Variants in PTAR1 observed in about 807,000 individuals in gnomAD.
PTAR1 encodes the protein protein prenyltransferase alpha subunit repeat containing 1.
PTAR1 carries 17 observed loss-of-function variants against 45.5 expected under a neutral mutation model. That is an observed-to-expected ratio of 0.37 (90% CI 0.26 to 0.56). PTAR1 has a LOEUF of 0.56. PTAR1 is among the 20% of genes least tolerant of loss of function. The probability of loss-of-function intolerance (pLI) is 0.77; values close to 1 mark genes in which losing one functional copy is unlikely to be tolerated. For missense variants in PTAR1, 391 were observed against 476.3 expected, an observed-to-expected ratio of 0.82 and a Z score of 1.67; for synonymous variants, 169 against 171.3, an observed-to-expected ratio of 0.99 and a Z score of 0.11.
rs1294663449 is a variant in PTAR1 at position 69,743,297 on chromosome 9, A to G, written c.257-1439T>C. ...CATCAAAATTGTTTCCAACAAGTCA[A>G]TTATGCTGCAAACAAAATGTCTGCC... On this transcript the variant is annotated intron_variant, in intron 2 of 7. Coordinates refer to ENST00000340434, the MANE Select transcript of PTAR1 (RefSeq NM_001099666.2). Among the ~76,000 whole-genome samples the G allele has an allele frequency of 5.3e-5, 8 of 152,184 alleles. No individual in the cohort carries two copies. In the East Asian group the frequency reaches 1.3e-3, roughly 26 times the overall value.
rs1301755824 is a variant in PTAR1, at chr9:69,712,248, G to A, written c.*6094C>T. 1 of 152,098 alleles carries A rather than the reference G, an allele frequency of 6.6e-6. No individual in the cohort carries two copies. Among genetic ancestry groups the A allele is most frequent in the African/African-American group, 2.4e-5 (1 of 41,446 alleles). The allele number at this position is 152,098 out of a possible 1,614,324, so 9.4% of individuals were successfully genotyped here. On this transcript the variant is annotated 3_prime_UTR_variant, in exon 8 of 8. Coordinates refer to ENST00000340434, the MANE Select transcript of PTAR1 (RefSeq NM_001099666.2). ...AAAGGTATGGAAGAAAAGCCAGAAT[G>A]TTATTGTTTGTAAACCACTAAAGAC...
intron 3 of PTAR1, among the ~76,000 whole-genome samples, chr9:69,739,576 T>C: frequency 6.6e-6 from 1 of 152,176 alleles, no homozygotes; most frequent in East Asian, 1.9e-4. Context: ...TCTTTAGCAG[T>C]TTGAAAAATG....
At chr9:69,752,254 T>C (rs563681180) in intron 1 of PTAR1, among the ~76,000 whole-genome samples, 4 of 152,100 alleles carry the variant, frequency 2.6e-5, no homozygotes, top group Admixed American at 6.6e-5. Context: ...AAGAGGGAAA[T>C]TGGTTGAATT....
intron 6 of PTAR1, 39 bp downstream of exon 6, chr9:69,723,287 T>G (rs748132875): frequency 6.5e-7 from 1 of 1,549,058 alleles, no homozygotes; most frequent in Non-Finnish European, 8.9e-7. Context: ...CATGAAGACA[T>G]GCAGTTTTGT....
At chr9:69,736,775 C>T (rs376795832) in intron 3 of PTAR1, among the ~76,000 whole-genome samples, 63 of 151,910 alleles carry the variant, frequency 4.1e-4, no homozygotes, top group South Asian at 2.3e-3. Context: ...GCAACCACTG[C>T]GGTACAGAAT....
At chr9:69,746,905 C>T (rs1174400220) in intron 2 of PTAR1, among the ~76,000 whole-genome samples, 1 of 152,188 alleles carries the variant, frequency 6.6e-6, no homozygotes, top group Non-Finnish European at 1.5e-5. Flanking sequence ...GAAAGGTTTT[C>T]GTGCATCTAG....
At chr9:69,729,251 C>T (rs1002953294) in intron 5 of PTAR1, among the ~76,000 whole-genome samples, 5 of 152,050 alleles carry the variant, frequency 3.3e-5, no homozygotes, top group Admixed American at 2.0e-4. Flanking sequence ...ACCTGGGAAG[C>T]GGAGGTTGCA....
chr9:69,754,699 G>A (rs1472008297), intron 1 of PTAR1, among the ~76,000 whole-genome samples: 1 of 133,450 alleles, frequency 7.5e-6, no homozygotes, highest in Non-Finnish European at 1.6e-5. Context: ...GCACCACCAT[G>A]CCCAGCTAAT....
rs945048395 is a variant in PTAR1 at position 69,713,309 on chromosome 9, C to G, written c.*5033G>C. 6.6e-6 allele frequency: 1 copy of G among 152,086 alleles called. No homozygotes were observed. The highest frequency in any genetic ancestry group is 2.4e-5 in the African/African-American group (1 of 41,422). The allele number at this position is 152,086 out of a possible 1,614,324, so 9.4% of individuals were successfully genotyped here. A position where few individuals can be genotyped will look rare whatever the true frequency, so the allele number is the denominator to read the frequency against. ...TCCCACCTGAGATCCACAACTGATT[C>G]ATTGGTTTTCTGTCTTCACCATGAA... On this transcript the variant is annotated 3_prime_UTR_variant, in exon 8 of 8. Transcript: ENST00000340434.
At chr9:69,743,933 T>C (rs2134144277) in intron 2 of PTAR1, among the ~76,000 whole-genome samples, 1 of 152,252 alleles carries the variant, frequency 6.6e-6, no homozygotes, top group Admixed American at 6.5e-5. Context: ...TGCAATTAAT[T>C]CTTAGTGGAA....
chr9:69,745,981 T>C (rs976823663), intron 2 of PTAR1, among the ~76,000 whole-genome samples: 3 of 152,204 alleles, frequency 2.0e-5, no homozygotes, highest in Non-Finnish European at 2.9e-5. Flanking sequence ...TTTTGACTTT[T>C]AAGAATCTTC....
chr9:69,743,508 A>G (rs1199942864), intron 2 of PTAR1, among the ~76,000 whole-genome samples: 1 of 152,196 alleles, frequency 6.6e-6, no homozygotes, highest in Admixed American at 6.5e-5. Flanking sequence ...ATTACTAGTG[A>G]GCATATTGGA....
chr9:69,727,017 T>C (rs62571888), intron 5 of PTAR1, among the ~76,000 whole-genome samples: 5 of 90,414 alleles, frequency 5.5e-5, no homozygotes, highest in Admixed American at 4.2e-4. Flanking sequence ...CAAATTAAAA[T>C]TGTGTATATA....
Position 69,741,844 on chromosome 9 carries a change from T to A in PTAR1, c.271A>T (p.Thr91Ser). The part of the protein sequence containing the change: ...WLNRDELIDV[T>S]CTLLLLNPDF... ...GGGTTTAGAAGCAGCAGGGTACATG[T>A]GACATCTATCAATTCTAAAATAAAG... The change falls in exon 3 of 8, where the codon ACA becomes TCA. Residue 91 changes from threonine (T) to serine (S), a missense_variant. By Grantham distance (58) the Thr-to-Ser change is moderately conservative. Around this residue, in one of 5 missense-constraint regions of PTAR1, gnomAD observed 152 missense variants for 160.0 expected, o/e 0.95. Transcript: ENST00000340434. The A allele has an allele frequency of 6.3e-7, 1 of 1,594,414 alleles. No individual in the cohort carries two copies. Among genetic ancestry groups the A allele is most frequent in the South Asian group, 1.1e-5 (1 of 88,138 alleles).
rs1391070087 is a variant in PTAR1, at chr9:69,716,562, C to T, written c.*1780G>A. ...CAAAGAAAAGGACATATTTCTTCTTCTTTAAGGCAGTCTACCTAACTCAAG... is the reference window on the plus strand; with the variant it reads ...CAAAGAAAAGGACATATTTCTTCTTTTTTAAGGCAGTCTACCTAACTCAAG... On this transcript the variant is annotated 3_prime_UTR_variant, in exon 8 of 8. Coordinates refer to ENST00000340434, the MANE Select transcript of PTAR1 (RefSeq NM_001099666.2). The T allele has an allele frequency of 6.6e-6, 1 of 152,152 alleles. No homozygotes were observed. The highest frequency in any genetic ancestry group is 1.5e-5 in the Non-Finnish European group (1 of 68,022). The allele number at this position is 152,152 out of a possible 1,614,324, so 9.4% of individuals were successfully genotyped here. A position where few individuals can be genotyped will look rare whatever the true frequency, so the allele number is the denominator to read the frequency against.
At chr9:69,728,944 C>T (rs988787603) in intron 5 of PTAR1, among the ~76,000 whole-genome samples, 1 of 152,082 alleles carries the variant, frequency 6.6e-6, no homozygotes, top group Non-Finnish European at 1.5e-5. Flanking sequence ...ACTATCTGTT[C>T]AGCATTTACC....
In PTAR1 at chr9:69,718,508, C is replaced by A; in HGVS notation, c.1043G>T (p.Gly348Val). 1 of 1,613,716 alleles carries A rather than the reference C, an allele frequency of 6.2e-7. No individual in the cohort carries two copies. ...CAGGCGTTTGGTTTCCTGGGAATAG[C>A]CTTGCTTGCTAGAGTCATTCAGTCC... ...VDGLNDSSKQ[G>V]YSQETKRLKR... The change falls in exon 8 of 8, where the codon GGC (glycine) becomes GTC (valine). Residue 348 changes from glycine (G) to valine (V), a missense_variant. Physicochemically the swap from Gly to Val is moderately radical, Grantham distance 109. This residue lies in a region of PTAR1 where 181 missense variants were observed against 227.7 expected (regional missense o/e 0.80). Coordinates refer to ENST00000340434, the MANE Select transcript of PTAR1 (RefSeq NM_001099666.2).
rs1824633398 is a variant in PTAR1 at position 69,714,092 on chromosome 9, T to C, written c.*4250A>G. ...TTAGGGTTGATTTTTCTTCATTAAC[T>C]TCTCAGTGCCTCCACACATCTCTCC... On this transcript the variant is annotated 3_prime_UTR_variant, in exon 8 of 8. Transcript: ENST00000340434. 1 of 152,128 alleles carries C rather than the reference T, an allele frequency of 6.6e-6. No individual in the cohort carries two copies. The highest frequency in any genetic ancestry group is 6.6e-5 in the Admixed American group (1 of 15,238). The allele number at this position is 152,128 out of a possible 1,614,324, so 9.4% of individuals were successfully genotyped here. A position where few individuals can be genotyped will look rare whatever the true frequency, so the allele number is the denominator to read the frequency against.
rs1314198772 is a variant in PTAR1, at chr9:69,710,398, C to G, written c.*7944G>C. The G allele has an allele frequency of 1.3e-5, 2 of 151,892 alleles. No homozygotes were observed. The highest frequency in any genetic ancestry group is 1.3e-4 in the Admixed American group (2 of 15,216). 9.4% of individuals were successfully genotyped at this position (151,892 alleles called of 1,614,324 possible). On this transcript the variant is annotated 3_prime_UTR_variant, in exon 8 of 8. Transcript: ENST00000340434. ...GCTTGTTTCTTTTTTAATATGGCTACTAGAAAATTAAAAATTATGTTGTGG... is the reference window on the plus strand; with the variant it reads ...GCTTGTTTCTTTTTTAATATGGCTAGTAGAAAATTAAAAATTATGTTGTGG...
Sources: gnomAD v4.1 joint callset for allele counts (sites outside exome capture counted in the v4.1 genomes callset) on GRCh38, gnomAD v4.1.1 for gene constraint, gnomAD v4.1.1 regional missense constraint, MANE v1.5 for transcripts, NCBI Gene and HGNC (gene_info 2026-07-23, HGNC 2026-07-21) for gene names.